The following ARHGEF4 variants were observed in gnomAD, a reference collection of about 807,000 sequenced individuals.
The protein encoded by ARHGEF4 is Rho guanine nucleotide exchange factor 4, also known as APC-stimulated guanine nucleotide exchange factor 1.
ARHGEF4 carries 119 observed loss-of-function variants against 162.0 expected under a neutral mutation model. The observed-to-expected ratio is 0.73, with a 90% confidence interval of 0.63 to 0.86. The LOEUF (loss-of-function observed/expected upper bound fraction) is 0.86. ARHGEF4 is among the 40% of genes least tolerant of loss of function. The pLI, the probability that ARHGEF4 is intolerant of heterozygous loss-of-function variation, is 0.00. For synonymous variants in ARHGEF4, 1,014 were observed against 979.9 expected, an observed-to-expected ratio of 1.03 and a Z score of -0.65; for missense variants, 2,488 against 2,456.0, an observed-to-expected ratio of 1.01 and a Z score of -0.28.
intron 2 of ARHGEF4, among the ~76,000 whole-genome samples, chr2:130,920,819 T>C (rs1681828447): frequency 6.6e-6 from 1 of 152,208 alleles, no homozygotes; most frequent in East Asian, 1.9e-4. Context: ...TGTGATAATA[T>C]CGTGTATAGA....
In ARHGEF4 at chr2:130,946,850, C is replaced by G; in HGVS notation, c.3985+215C>G. 3 of 511,288 alleles carry G rather than the reference C, an allele frequency of 5.9e-6. No homozygotes were observed. The South Asian group carries it at 7.2e-5, about 12-fold the overall frequency. 31.7% of individuals were successfully genotyped at this position (511,288 alleles called of 1,614,324 possible). A position where few individuals can be genotyped will look rare whatever the true frequency, so the allele number is the denominator to read the frequency against. ...GGGCACAGTGGCTCATGCCTGTAAT[C>G]CCAGCACTTTGAGAGGCTGAAGCAG... On this transcript the variant is annotated intron_variant, in intron 4 of 13. Coordinates refer to ENST00000409359, the MANE Select transcript of ARHGEF4 (RefSeq NM_001367493.1).
intron 5 of ARHGEF4, chr2:131,035,564 C>T (rs1573681248): frequency 6.9e-6 from 5 of 729,912 alleles, no homozygotes; most frequent in South Asian, 6.3e-5. Context: ...TGGGGCTCCC[C>T]GGCTGCTTGT....
rs1574224400 is a variant in ARHGEF4, at chr2:130,917,191, A to C, written c.3245A>C (p.Asn1082Thr). The C allele has an allele frequency of 6.5e-7, 1 of 1,548,770 alleles. No homozygotes were observed. Among genetic ancestry groups the C allele is most frequent in the Non-Finnish European group, 8.7e-7 (1 of 1,146,594 alleles). Reference sequence around the variant, plus strand: ...TCTGCCTGCTGCCTGGCATATGAAAACCCCGGGACGCCCTGCAGACCCACG... The same window carrying C: ...TCTGCCTGCTGCCTGGCATATGAAACCCCCGGGACGCCCTGCAGACCCACG... ...SSSACCLAYE[N>T]PGTPCRPTSP... Residue 1082 changes from asparagine (N) to threonine (T), a missense_variant, in exon 2 of 14, where the codon AAC (asparagine) becomes ACC (threonine). Physicochemically the swap from Asn to Thr is moderately conservative, Grantham distance 65. This residue lies in a region of ARHGEF4 where 1,642 missense variants were observed against 1,481.5 expected (regional missense o/e 1.11). Transcript: ENST00000409359.
rs1012668307 is a variant in ARHGEF4, at chr2:131,040,271, G to A, written c.4493G>A (p.Arg1498Gln). The change falls in exon 8 of 14, where the codon CGG (arginine) becomes CAG (glutamine). Residue 1498 changes from arginine to glutamine, a missense_variant. Arg to Gln is a conservative substitution (Grantham distance 43). Coordinates refer to ENST00000409359, the MANE Select transcript of ARHGEF4 (RefSeq NM_001367493.1). ...HLRDICEGYV[R>Q]QCRKRADMFS... ...CACGTCCGCCCGCAGGGCTACGTCC[G>A]GCAGTGCCGCAAGCGCGCAGACATG... The A allele has an allele frequency of 4.3e-6, 7 of 1,612,572 alleles. No individual in the cohort carries two copies. In the African/African-American group the frequency reaches 6.7e-5, roughly 15 times the overall value.
intron 4 of ARHGEF4, among the ~76,000 whole-genome samples, chr2:130,966,740 A>ATTTTTCCTGG (rs1685030743): frequency 6.6e-6 from 1 of 152,228 alleles, no homozygotes; most frequent in East Asian, 1.9e-4. Flanking sequence ...TTCATTCAAC[A>ATTTTTCCTGG]ATCATGGCTT....
chr2:130,837,716 G>C (rs748188478), intron 1 of ARHGEF4: 14 of 411,712 alleles, frequency 3.4e-5, no homozygotes, highest in South Asian at 2.4e-4. Context: ...GCCAGCGGGA[G>C]GGCGGTTGCG....
intron 12 of ARHGEF4, among the ~76,000 whole-genome samples, chr2:131,044,887 G>A (rs1691117147): frequency 6.6e-6 from 1 of 152,170 alleles, no homozygotes; most frequent in South Asian, 2.1e-4. Context: ...GGGACCTGCG[G>A]GACCCCTTTC....
At chr2:130,964,380 C>A in intron 4 of ARHGEF4, 1 of 409,090 alleles carries the variant, frequency 2.4e-6, no homozygotes, top group Non-Finnish European at 3.3e-6. Flanking sequence ...TCTCCTGGTC[C>A]CTTCCTTCCC....
At position 131,046,469 on chromosome 2, in the gene ARHGEF4, A is replaced by G. The variant is rs1343655982; in HGVS notation, c.*280A>G. ...GCCCTCTGGACCTGTGTAGGGCCTC[A>G]CTGCTGGAGCGGGGAAACCGCAGCT... On this transcript the variant is annotated 3_prime_UTR_variant, in exon 14 of 14. Transcript: ENST00000409359. The G allele has an allele frequency of 5.2e-6, 2 of 385,922 alleles. No homozygotes were observed. Among genetic ancestry groups the G allele is most frequent in the Non-Finnish European group, 9.3e-6 (2 of 214,432 alleles). The allele number at this position is 385,922 out of a possible 1,614,324, so 23.9% of individuals were successfully genotyped here.
At chr2:131,028,976 A>G (rs928571448) in intron 5 of ARHGEF4, among the ~76,000 whole-genome samples, 4 of 152,162 alleles carry the variant, frequency 2.6e-5, no homozygotes, top group Admixed American at 6.6e-5. Flanking sequence ...GCCAGTGAGG[A>G]GGGTGGCGTC....
chr2:130,978,343 C>A (rs1685889246), intron 4 of ARHGEF4, among the ~76,000 whole-genome samples: 1 of 152,212 alleles, frequency 6.6e-6, no homozygotes, highest in African/African-American at 2.4e-5. Context: ...ATAGAGTTTT[C>A]TTCTGACATA....
At chr2:130,912,865 C>G (rs575016323) in intron 1 of ARHGEF4, among the ~76,000 whole-genome samples, 1 of 152,258 alleles carries the variant, frequency 6.6e-6, no homozygotes, top group South Asian at 2.1e-4. Flanking sequence ...CTACTGCAGT[C>G]AGAAAATAGG....
At chr2:131,023,748 C>G (rs1262739944) in intron 4 of ARHGEF4, among the ~76,000 whole-genome samples, 1 of 152,202 alleles carries the variant, frequency 6.6e-6, no homozygotes, top group Non-Finnish European at 1.5e-5. Context: ...CCAGTAATTA[C>G]ACTCCTGGGC....
Position 130,904,871 on chromosome 2 carries a change from G to A in ARHGEF4, c.40-9115G>A, listed in dbSNP as rs888439283. 2.0e-5 allele frequency among the ~76,000 whole-genome samples: 3 copies of A among 152,198 alleles called. No homozygotes were observed. The South Asian group carries it at 6.2e-4, about 32-fold the overall frequency. ...AGGTGGGTGCATCACTTGAAGCCAA[G>A]AATTTGAGACCAGCCTGGCCAACAT... On this transcript the variant is annotated intron_variant, in intron 1 of 13. Coordinates refer to ENST00000409359, the MANE Select transcript of ARHGEF4 (RefSeq NM_001367493.1).
chr2:130,968,954 A>G (rs1310604322), intron 4 of ARHGEF4, among the ~76,000 whole-genome samples: 1 of 152,010 alleles, frequency 6.6e-6, no homozygotes, highest in Admixed American at 6.6e-5. Flanking sequence ...AGAAATATGA[A>G]CTATCCATTA....
chr2:130,926,056 T>TTCTTTC (rs1559043915), intron 2 of ARHGEF4, among the ~76,000 whole-genome samples: 53 of 103,172 alleles, frequency 5.1e-4, no homozygotes, highest in African/African-American at 1.5e-3. Flanking sequence ...TTCTCTTTCT[T>TTCTTTC]TCTTTCTTTC....
At chr2:131,000,289 C>G (rs1227113441) in intron 4 of ARHGEF4, among the ~76,000 whole-genome samples, 3 of 152,082 alleles carry the variant, frequency 2.0e-5, no homozygotes, top group Non-Finnish European at 4.4e-5. Context: ...GGATAAACCC[C>G]TATTTAAGTA....
At chr2:130,902,830 A>G (rs1252802310) in intron 1 of ARHGEF4, among the ~76,000 whole-genome samples, 1 of 152,182 alleles carries the variant, frequency 6.6e-6, no homozygotes, top group African/African-American at 2.4e-5. Context: ...TTTGAGAACT[A>G]CATCTGACAT....
At chr2:130,911,563 T>C (rs1333337963) in intron 1 of ARHGEF4, among the ~76,000 whole-genome samples, 2 of 152,268 alleles carry the variant, frequency 1.3e-5, no homozygotes, top group Non-Finnish European at 2.9e-5. Flanking sequence ...AAATCAAATG[T>C]TGTTTTTGAT....
Sources: allele counts gnomAD v4.1 joint callset (sites outside exome capture counted in the v4.1 genomes callset), GRCh38; gene constraint gnomAD v4.1.1; regional missense constraint gnomAD v4.1.1; transcripts MANE v1.5; gene names NCBI Gene and HGNC (gene_info 2026-07-23, HGNC 2026-07-21).